The following WWC1 variants were observed in gnomAD, a reference collection of about 807,000 sequenced individuals.
WWC1 encodes WW and C2 domain containing 1.
WWC1 carries 55 observed loss-of-function variants against 138.4 expected under a neutral mutation model. The ratio of observed to expected loss-of-function variants is 0.40; its 90% CI spans 0.32 to 0.50. WWC1 has a LOEUF of 0.50. Among genes scored for constraint, WWC1 ranks in the 20% least tolerant of loss-of-function variants. The pLI, the probability that WWC1 is intolerant of heterozygous loss-of-function variation, is 0.72. For missense variants in WWC1, 1,226 were observed against 1,420.4 expected (o/e 0.86, Z 2.20); for synonymous variants, 524 against 564.9 (o/e 0.93, Z 1.03).
chr5:168,393,671 G>A (rs1467858135), intron 3 of WWC1, among the ~76,000 whole-genome samples: 3 of 152,274 alleles, frequency 2.0e-5, no homozygotes, highest in South Asian at 2.1e-4. Flanking sequence ...AAAGGAAGAC[G>A]CGGTATACAG....
chr5:168,467,749 A>G, intron 21 of WWC1, 91 bp from the exon 22 acceptor site: 1 of 1,568,008 alleles, frequency 6.4e-7, no homozygotes, highest in Non-Finnish European at 8.7e-7. Context: ...TGCCGTCCCT[A>G]CAGTAGCCCC....
intron 19 of WWC1, among the ~76,000 whole-genome samples, chr5:168,457,066 G>A (rs186781942): frequency 7.5e-4 from 113 of 149,770 alleles, no homozygotes; most frequent in Middle Eastern, 3.5e-3. Flanking sequence ...TATTTATACC[G>A]TTTCTAAGCC....
In WWC1 at chr5:168,423,867, C is replaced by T. The variant is rs1781314302; in HGVS notation, c.1609C>T (p.Arg537Cys). 5 of 1,614,014 alleles carry T rather than the reference C, an allele frequency of 3.1e-6. No individual in the cohort carries two copies. The highest frequency in any genetic ancestry group is 2.2e-5 in the East Asian group (1 of 44,896). The change falls in exon 11 of 23, where the codon CGT (arginine) becomes TGT (cysteine). Residue 537 changes from arginine to cysteine, a missense_variant. By Grantham distance (180) the Arg-to-Cys change is radical (BLOSUM62 -3). Around this residue, in one of 3 missense-constraint regions of WWC1, gnomAD observed 1,016 missense variants for 1,153.9 expected, o/e 0.88. Coordinates refer to ENST00000265293, the MANE Select transcript of WWC1 (RefSeq NM_015238.3). The part of the protein sequence containing the change: ...TPKSMTSLSP[R>C]SSLSSPSPPC... ...AAAGTCCATGACCTCCCTATCCCCACGTTCCTCTCTCTCCTCCCCCTCCCC... is the reference window on the plus strand; with the variant it reads ...AAAGTCCATGACCTCCCTATCCCCATGTTCCTCTCTCTCCTCCCCCTCCCC...
intron 3 of WWC1, among the ~76,000 whole-genome samples, chr5:168,394,516 A>G (rs1477115664): frequency 6.6e-6 from 1 of 152,144 alleles, no homozygotes; most frequent in Non-Finnish European, 1.5e-5. Context: ...ACTTGAGGTC[A>G]GGAGTTTGAG....
At chr5:168,385,445 C>T (rs753417043) in intron 3 of WWC1, 31 bp downstream of exon 3, 23 of 1,605,030 alleles carry the variant, frequency 1.4e-5, no homozygotes, top group African/African-American at 5.4e-5. Flanking sequence ...CCACCCCCAC[C>T]GACACCAACA....
At chr5:168,386,538 G>A (rs1055206843) in intron 3 of WWC1, among the ~76,000 whole-genome samples, 1 of 151,456 alleles carries the variant, frequency 6.6e-6, no homozygotes, top group Non-Finnish European at 1.5e-5. Flanking sequence ...GACTACAGGC[G>A]CCCGCCACCA....
intron 1 of WWC1, among the ~76,000 whole-genome samples, chr5:168,301,388 C>A (rs948557075): frequency 1.3e-5 from 2 of 152,154 alleles, no homozygotes; most frequent in Non-Finnish European, 2.9e-5. Context: ...GTAATTCCAG[C>A]ACTTTGGGAG....
At chr5:168,305,876 A>C (rs943502006) in intron 1 of WWC1, among the ~76,000 whole-genome samples, 4 of 152,220 alleles carry the variant, frequency 2.6e-5, no homozygotes, top group Non-Finnish European at 5.9e-5. Flanking sequence ...GTCCCTAGTT[A>C]ATTCTAGGTT....
At chr5:168,317,883 T>C (rs1184460633) in intron 1 of WWC1, among the ~76,000 whole-genome samples, 7 of 152,130 alleles carry the variant, frequency 4.6e-5, no homozygotes, top group Non-Finnish European at 7.3e-5. Context: ...GCGTTATCAG[T>C]GTAATGCAAT....
chr5:168,458,687 G>T (rs1582378283), intron 19 of WWC1, among the ~76,000 whole-genome samples: 1 of 152,126 alleles, frequency 6.6e-6, no homozygotes, highest in East Asian at 1.9e-4. Context: ...GATTCTAAAT[G>T]ATTTCACTGC....
intron 17 of WWC1, among the ~76,000 whole-genome samples, chr5:168,451,143 C>T (rs1334078804): frequency 6.6e-6 from 1 of 152,022 alleles, no homozygotes; most frequent in African/African-American, 2.4e-5. Context: ...CTCAGCCTCC[C>T]GAGTAGCTAG....
intron 21 of WWC1, among the ~76,000 whole-genome samples, chr5:168,467,386 G>A (rs1757390605): frequency 6.6e-6 from 1 of 152,164 alleles, no homozygotes; most frequent in South Asian, 2.1e-4. Context: ...GTTTACATAC[G>A]TTTACATTAG....
intron 1 of WWC1, among the ~76,000 whole-genome samples, chr5:168,294,975 C>T (rs1414885745): frequency 6.6e-6 from 1 of 152,128 alleles, no homozygotes; most frequent in African/African-American, 2.4e-5. Context: ...TGTCATCCCA[C>T]CTGGACTGGG....
chr5:168,418,468 G>C lies in WWC1; in HGVS notation c.1185-3540G>C, dbSNP rs1489593710. Among the ~76,000 whole-genome samples the C allele has an allele frequency of 2.0e-5, 3 of 152,144 alleles. No homozygotes were observed. In the East Asian group the frequency reaches 5.8e-4, roughly 29 times the overall value. ...GTGGGGACTCCAGCCCCACCTTCTG[G>C]ATCCTCTGCCTGCCTCCATGCTTGA... On this transcript the variant is annotated intron_variant, in intron 9 of 22. Transcript: ENST00000265293.
intron 8 of WWC1, chr5:168,410,275 T>G (rs1218618896): frequency 2.6e-6 from 1 of 379,476 alleles, no homozygotes; most frequent in Admixed American, 3.8e-5. Flanking sequence ...CTGTCTTGAT[T>G]TCTGCAACCG....
chr5:168,326,737 A>G (rs1398091179), intron 1 of WWC1, among the ~76,000 whole-genome samples: 2 of 146,132 alleles, frequency 1.4e-5, no homozygotes. Context: ...ATGGGGTTTC[A>G]CCATGTTGGA....
chr5:168,398,580 T>G (rs376401663), intron 4 of WWC1, among the ~76,000 whole-genome samples: 12 of 152,358 alleles, frequency 7.9e-5, no homozygotes, highest in Admixed American at 7.2e-4. Flanking sequence ...GGCATAAATA[T>G]TAGTATTTCC....
At chr5:168,395,368 G>A (rs759249341) in intron 3 of WWC1, among the ~76,000 whole-genome samples, 10 of 152,174 alleles carry the variant, frequency 6.6e-5, no homozygotes, top group Non-Finnish European at 1.2e-4. Context: ...CCACACTGAC[G>A]ACTCCTCTCT....
rs778567054 is a variant in WWC1, at chr5:168,454,118, G to A, written c.2658+18G>A. 2.2e-5 allele frequency: 35 copies of A among 1,608,010 alleles called. No individual in the cohort carries two copies. The highest frequency in any genetic ancestry group is 2.9e-5 in the Non-Finnish European group (34 of 1,178,274). On this transcript the variant is annotated intron_variant, in intron 18 of 22. Transcript: ENST00000265293. ...CATTAAAGGTAGGAAGGGCTGGGGG[G>A]ATAGAAGGGCTGTCGTGGGGAAGGA...
Sources: allele counts gnomAD v4.1 joint callset (sites outside exome capture counted in the v4.1 genomes callset), GRCh38; gene constraint gnomAD v4.1.1; regional missense constraint gnomAD v4.1.1; transcripts MANE v1.5; gene names NCBI Gene and HGNC (gene_info 2026-07-23, HGNC 2026-07-21).